The following SGCZ variants were observed in gnomAD, a reference collection of about 807,000 sequenced individuals.
The protein encoded by SGCZ is zeta-sarcoglycan.
SGCZ carries 40 observed loss-of-function variants against 41.3 expected under a neutral mutation model. The ratio of observed to expected loss-of-function variants is 0.97; its 90% CI spans 0.75 to 1.26. The LOEUF (loss-of-function observed/expected upper bound fraction) is 1.26. SGCZ is among the 50% of genes most tolerant of loss of function. The probability of loss-of-function intolerance (pLI) is 0.00; values close to 1 mark genes in which losing one functional copy is unlikely to be tolerated. For synonymous variants in SGCZ, 206 were observed against 137.5 expected (o/e 1.50, Z -3.49); for missense variants, 552 against 369.8 (o/e 1.49, Z -4.04).
intron 4 of SGCZ, 73 bp from the exon 5 acceptor site, chr8:14,164,775 G>C (rs760595725): frequency 4.4e-5 from 67 of 1,523,746 alleles, no homozygotes; most frequent in Non-Finnish European, 5.7e-5. Context: ...TTTGGAAATA[G>C]ACTAGAAATG....
chr8:14,373,099 G>A (rs555328725), intron 2 of SGCZ, among the ~76,000 whole-genome samples: 1 of 152,256 alleles, frequency 6.6e-6, no homozygotes, highest in Non-Finnish European at 1.5e-5. Flanking sequence ...GAAAGAAAAT[G>A]AGGCTAGGAA....
chr8:14,908,195 G>T (rs78328246), intron 1 of SGCZ, among the ~76,000 whole-genome samples: 6,193 of 152,118 alleles, frequency 0.041, 173 homozygotes, highest in South Asian at 0.075. Flanking sequence ...ATATTTTTAG[G>T]CATTATGGCA....
chr8:14,222,747 C>A (rs1806241732), intron 4 of SGCZ, among the ~76,000 whole-genome samples: 1 of 147,130 alleles, frequency 6.8e-6, no homozygotes, highest in African/African-American at 2.5e-5. Flanking sequence ...ATTTTACCTA[C>A]CTAACTTATT....
chr8:14,614,212 C>T (rs1355305), intron 1 of SGCZ, among the ~76,000 whole-genome samples: 66,387 of 151,816 alleles, frequency 0.44, 14,912 homozygotes, highest in Non-Finnish European at 0.48. Context: ...CCTTTAGAAC[C>T]GAAAATGAAT....
At chr8:14,487,572 T>A (rs1801710340) in intron 2 of SGCZ, among the ~76,000 whole-genome samples, 1 of 122,710 alleles carries the variant, frequency 8.1e-6, no homozygotes, top group Admixed American at 8.4e-5. Flanking sequence ...TTAGTGATAA[T>A]TTATTTCAAT....
intron 1 of SGCZ, among the ~76,000 whole-genome samples, chr8:15,052,305 C>T (rs1460155758): frequency 6.6e-6 from 1 of 152,150 alleles, no homozygotes; most frequent in East Asian, 1.9e-4. Flanking sequence ...ATTCAGCTTT[C>T]AGTGAAATGA....
At chr8:15,068,009 C>CTTTTG (rs1431835916) in intron 1 of SGCZ, among the ~76,000 whole-genome samples, 8 of 152,118 alleles carry the variant, frequency 5.3e-5, no homozygotes, top group South Asian at 2.1e-4. Context: ...ATGCAAAAGG[C>CTTTTG]CATGGTACAT....
intron 3 of SGCZ, among the ~76,000 whole-genome samples, chr8:14,291,482 C>CT (rs905904444): frequency 2.0e-5 from 3 of 151,998 alleles, no homozygotes; most frequent in African/African-American, 7.2e-5. Flanking sequence ...TATTTGTGCA[C>CT]TTTTATGCTG....
Position 14,088,107 on chromosome 8 carries a change from A to T in SGCZ, c.*2336T>A, listed in dbSNP as rs1404477255. Among the ~76,000 whole-genome samples, 2 of 151,392 alleles carry T rather than the reference A, an allele frequency of 1.3e-5. No individual in the cohort carries two copies. Among genetic ancestry groups the T allele is most frequent in the East Asian group, 3.9e-4 (2 of 5,132 alleles). On this transcript the variant is annotated 3_prime_UTR_variant, in exon 8 of 8. Transcript: ENST00000382080. ...CATCTTTTCTCCTCTTATGACATAT[A>T]ATTTAAAATTTCATTTTTCTCTTTT...
intron 1 of SGCZ, among the ~76,000 whole-genome samples, chr8:14,784,809 G>C (rs1231416190): frequency 6.7e-6 from 1 of 148,992 alleles, no homozygotes; most frequent in African/African-American, 2.5e-5. Flanking sequence ...GGCTGAGGCA[G>C]GAGAATCACT....
chr8:14,515,859 T>A (rs1180170009), intron 2 of SGCZ, among the ~76,000 whole-genome samples: 1 of 152,112 alleles, frequency 6.6e-6, no homozygotes, highest in Non-Finnish European at 1.5e-5. Flanking sequence ...TTGCTTAGTT[T>A]TATTTTAAAG....
chr8:14,719,125 TA>T (rs1354969674), intron 1 of SGCZ, among the ~76,000 whole-genome samples: 3 of 150,908 alleles, frequency 2.0e-5, no homozygotes, highest in African/African-American at 7.3e-5. Flanking sequence ...GTTCTTGCTA[TA>T]GTTTACTGAG....
intron 2 of SGCZ, among the ~76,000 whole-genome samples, chr8:14,504,733 T>G (rs1802255300): frequency 6.6e-6 from 1 of 152,172 alleles, no homozygotes. Context: ...ATCTCTTACT[T>G]CTTTATGGCA....
At chr8:14,744,566 T>C (rs941169653) in intron 1 of SGCZ, among the ~76,000 whole-genome samples, 9 of 152,132 alleles carry the variant, frequency 5.9e-5, no homozygotes, top group Admixed American at 6.6e-5. Flanking sequence ...GGAAGGCTTG[T>C]TGGATGGAGA....
chr8:14,850,951 T>G (rs996331270), intron 1 of SGCZ, among the ~76,000 whole-genome samples: 2 of 152,192 alleles, frequency 1.3e-5, no homozygotes, highest in Non-Finnish European at 2.9e-5. Context: ...ATTAAACCTC[T>G]TTCCTTTATA....
intron 2 of SGCZ, among the ~76,000 whole-genome samples, chr8:14,365,933 T>C (rs561329731): frequency 7.9e-5 from 12 of 152,268 alleles, no homozygotes; most frequent in African/African-American, 2.9e-4. Flanking sequence ...ACTGAAAATA[T>C]GTTATCAAAT....
At chr8:14,734,183 G>C (rs1798957927) in intron 1 of SGCZ, among the ~76,000 whole-genome samples, 1 of 152,150 alleles carries the variant, frequency 6.6e-6, no homozygotes, top group African/African-American at 2.4e-5. Context: ...AATGCATTGT[G>C]ACTCTGGCAG....
At chr8:14,175,922 G>T (rs1804528987) in intron 4 of SGCZ, among the ~76,000 whole-genome samples, 1 of 152,012 alleles carries the variant, frequency 6.6e-6, no homozygotes, top group African/African-American at 2.4e-5. Context: ...AACTGTACTG[G>T]TATACCTGTA....
intron 1 of SGCZ, among the ~76,000 whole-genome samples, chr8:14,788,047 T>C (rs188184862): frequency 8.5e-5 from 13 of 152,274 alleles, no homozygotes; most frequent in Admixed American, 7.9e-4. Flanking sequence ...TGTTGCTAGA[T>C]TCTGGAAAAA....
Sources: allele counts gnomAD v4.1 joint callset (sites outside exome capture counted in the v4.1 genomes callset), GRCh38; gene constraint gnomAD v4.1.1; transcripts MANE v1.5; gene names NCBI Gene and HGNC (gene_info 2026-07-23, HGNC 2026-07-21).